UBL7: variants seen among roughly 807,000 people sequenced by gnomAD.
The protein encoded by UBL7 is ubiquitin-like protein 7.
A neutral mutation model predicts 41.7 loss-of-function variants in UBL7; 21 were observed. The ratio of observed to expected loss-of-function variants is 0.50; its 90% CI spans 0.36 to 0.73. The LOEUF (loss-of-function observed/expected upper bound fraction) is 0.73. Among genes scored for constraint, UBL7 ranks in the 30% least tolerant of loss-of-function variants. The pLI, the probability that UBL7 is intolerant of heterozygous loss-of-function variation, is 0.00. For synonymous variants in UBL7, 157 were observed against 186.9 expected, an observed-to-expected ratio of 0.84 and a Z score of 1.31; for missense variants, 403 against 478.4, an observed-to-expected ratio of 0.84 and a Z score of 1.47.
chr15:74,446,131 G>C lies in UBL7; in HGVS notation c.1102C>G (p.Gln368Glu), dbSNP rs1567085624. The change falls in exon 11 of 11, where the codon CAA becomes GAA. Residue 368 changes from glutamine to glutamate, a missense_variant. Coordinates refer to ENST00000395081, the MANE Select transcript of UBL7 (RefSeq NM_032907.5). The surrounding 1 kb of genome is among the most constrained non-coding windows in gnomAD (Gnocchi z 4.1). ...GCAAAGATGAGCTCCAGGGCTGCTT[G>C]GATGTCCCCACCGGTGGCCTGCAGG... ...RALQATGGDI[Q>E]AALELIFAGG... 3 of 1,614,132 alleles carry C rather than the reference G, an allele frequency of 1.9e-6. No individual in the cohort carries two copies. The highest frequency in any genetic ancestry group is 4.5e-5 in the East Asian group (2 of 44,884).
rs1456526014 is a variant in UBL7 at position 74,461,141 on chromosome 15, C to T, written c.-134G>A. ...CGGAAGGAACCCGGCCGCACTGCCG[C>T]CGGTGTAAACACTCACTCTGGCCCT... On this transcript the variant is annotated 5_prime_UTR_variant, in exon 1 of 11. Transcript: ENST00000395081. 3 of 997,828 alleles carry T rather than the reference C, an allele frequency of 3.0e-6. No individual in the cohort carries two copies. The highest frequency in any genetic ancestry group is 3.6e-6 in the Non-Finnish European group (3 of 836,034). 61.8% of individuals were successfully genotyped at this position (997,828 alleles called of 1,614,324 possible).
intron 8 of UBL7, 48 bp downstream of exon 8, chr15:74,449,578 C>T: frequency 6.2e-7 from 1 of 1,613,830 alleles, no homozygotes; most frequent in Non-Finnish European, 8.5e-7. Context: ...TTCCCAGCAC[C>T]ATCTCCCCCA....
chr15:74,455,883 G>C (rs1010795545), intron 3 of UBL7, among the ~76,000 whole-genome samples: 1 of 152,098 alleles, frequency 6.6e-6, no homozygotes, highest in Non-Finnish European at 1.5e-5. Flanking sequence ...CCAGCACTTT[G>C]GGAGGCCGAG....
intron 3 of UBL7, among the ~76,000 whole-genome samples, chr15:74,456,042 G>A (rs1420907079): frequency 6.6e-6 from 1 of 151,574 alleles, no homozygotes; most frequent in African/African-American, 2.4e-5. Context: ...CAGGAGAATG[G>A]TGTGAACCCG....
intron 2 of UBL7, 149 bp downstream of exon 2, chr15:74,458,535 G>A: frequency 1.5e-6 from 1 of 678,350 alleles, no homozygotes; most frequent in Non-Finnish European, 2.5e-6. Context: ...TATGATTTGT[G>A]TTTCTATTTA....
rs747113400 is a variant in UBL7 at position 74,451,406 on chromosome 15, C to T, written c.472+30G>A. The T allele has an allele frequency of 1.9e-6, 3 of 1,594,722 alleles. No individual in the cohort carries two copies. The Admixed American group carries it at 5.1e-5, about 27-fold the overall frequency. ...CTGTTTTCTCCTTTTCCGACAACTC[C>T]TATTTCCTCAAATTCAGTCCTGCAC... On this transcript the variant is annotated intron_variant, in intron 5 of 10. Transcript: ENST00000395081.
At chr15:74,458,593 C>G in intron 2 of UBL7, 91 bp downstream of exon 2, 1 of 1,159,396 alleles carries the variant, frequency 8.6e-7, no homozygotes, top group Admixed American at 2.1e-5. Context: ...GCAACAAATC[C>G]CAAGCCCTTA....
rs751323710 is a variant in UBL7, at chr15:74,456,610, T to C, written c.246A>G (p.Gln82=). The stretch of plus-strand genomic sequence containing the variant: ...GCAGAACATGGACAGTGGACCCAGG[T>C]TGAATGCCATAGAAGTCAAGTGTCT... ...DDQTLDFYGI[Q]PGSTVHVLRK... The change falls in exon 3 of 11, where the codon CAA becomes CAG. Residue 82 remains glutamine (Q), a synonymous_variant. Transcript: ENST00000395081. 2.6e-5 allele frequency: 42 copies of C among 1,614,018 alleles called. No individual in the cohort carries two copies. Among genetic ancestry groups the C allele is most frequent in the Non-Finnish European group, 3.4e-5 (40 of 1,180,010 alleles).
At position 74,458,759 on chromosome 15, in the gene UBL7, C is replaced by T. The variant is rs2061317909; in HGVS notation, c.109G>A (p.Gly37Ser). Residue 37 changes from glycine (G) to serine (S), a missense_variant, in exon 2 of 11, where the codon GGC becomes AGC. By Grantham distance (56) the Gly-to-Ser change is moderately conservative (BLOSUM62 0). Transcript: ENST00000395081. ...TGCTTCAGAAATGAAATACTATAGC[C>T]CCCTAGCGAGTATTCTCCCAGTTCT... ...ETELGEYSLG[G>S]YSISFLKQLI... 6.2e-7 allele frequency: 1 copy of T among 1,613,884 alleles called. No homozygotes were observed. The highest frequency in any genetic ancestry group is 1.7e-5 in the Admixed American group (1 of 60,000).
intron 1 of UBL7, among the ~76,000 whole-genome samples, chr15:74,459,740 C>A (rs1180247400): frequency 6.6e-6 from 1 of 151,596 alleles, no homozygotes; most frequent in African/African-American, 2.4e-5. Context: ...CCTAGGCGGG[C>A]GGATTGCCTA....
rs1405281374 is a variant in UBL7 at position 74,446,129 on chromosome 15, T to G, written c.1104A>C (p.Gln368His). ...RALQATGGDIQAALELIFAGG... is the reference protein window; with the variant it reads ...RALQATGGDIHAALELIFAGG... ...CAGCAAAGATGAGCTCCAGGGCTGC[T>G]TGGATGTCCCCACCGGTGGCCTGCA... Residue 368 changes from glutamine (Q) to histidine (H), a missense_variant, in exon 11 of 11, where the codon CAA (glutamine) becomes CAC (histidine). Gln to His is a conservative substitution (Grantham distance 24). Coordinates refer to ENST00000395081, the MANE Select transcript of UBL7 (RefSeq NM_032907.5). The surrounding 1 kb of genome is among the most constrained non-coding windows in gnomAD (Gnocchi z 4.1). 1 of 1,614,126 alleles carries G rather than the reference T, an allele frequency of 6.2e-7. No homozygotes were observed. The highest frequency in any genetic ancestry group is 1.7e-5 in the Admixed American group (1 of 60,022).
At chr15:74,458,164 C>G (rs964972127) in intron 2 of UBL7, among the ~76,000 whole-genome samples, 11 of 152,124 alleles carry the variant, frequency 7.2e-5, no homozygotes, top group African/African-American at 2.4e-4. Context: ...GGAGCGGTGG[C>G]TCATGCCTGT....
intron 3 of UBL7, 47 bp downstream of exon 3, chr15:74,456,505 C>A (rs377005923): frequency 1.9e-6 from 3 of 1,606,444 alleles, no homozygotes; most frequent in African/African-American, 1.3e-5. Flanking sequence ...CCTTCCCTTG[C>A]GGATATTACA....
chr15:74,449,043 G>A, intron 9 of UBL7, 143 bp downstream of exon 9: 1 of 999,790 alleles, frequency 1.0e-6, no homozygotes, highest in Admixed American at 3.1e-5. Context: ...CACTCAAGCT[G>A]CAGTAAGAAA....
intron 3 of UBL7, among the ~76,000 whole-genome samples, chr15:74,455,986 G>T (rs920459281): frequency 2.0e-5 from 3 of 152,162 alleles, no homozygotes; most frequent in African/African-American, 2.4e-5. Context: ...AATTAGCCAG[G>T]CTTGGTGGTG....
intron 2 of UBL7, 44 bp from the exon 3 acceptor site, chr15:74,456,715 A>C: frequency 6.3e-7 from 1 of 1,590,334 alleles, no homozygotes; most frequent in Non-Finnish European, 8.6e-7. Context: ...CTCAAAACAA[A>C]TTTACATGGT....
chr15:74,455,084 T>C (rs544095840), intron 3 of UBL7, among the ~76,000 whole-genome samples: 7 of 152,342 alleles, frequency 4.6e-5, no homozygotes, highest in Non-Finnish European at 8.8e-5. Flanking sequence ...TTCCAGGGCC[T>C]GGCTGTGAGT....
At chr15:74,452,998 C>T (rs1390074627) in intron 3 of UBL7, among the ~76,000 whole-genome samples, 1 of 152,186 alleles carries the variant, frequency 6.6e-6, no homozygotes, top group Non-Finnish European at 1.5e-5. Context: ...AGGCGTGAGC[C>T]ACCGTGCCCA....
intron 1 of UBL7, among the ~76,000 whole-genome samples, chr15:74,460,220 C>A (rs1044543443): frequency 1.3e-5 from 2 of 152,038 alleles, no homozygotes; most frequent in Non-Finnish European, 2.9e-5. Flanking sequence ...CCAGCTTGGG[C>A]GACAGAGACT....
Sources: gnomAD v4.1 joint callset for allele counts (sites outside exome capture counted in the v4.1 genomes callset) on GRCh38, gnomAD v4.1.1 for gene constraint, Gnocchi (gnomAD v3.1) non-coding constraint, MANE v1.5 for transcripts, NCBI Gene and HGNC (gene_info 2026-07-23, HGNC 2026-07-21) for gene names.